TRIM49C: variants seen among roughly 807,000 people sequenced by gnomAD.
TRIM49C encodes tripartite motif containing 49C.
A neutral mutation model predicts 21.4 loss-of-function variants in TRIM49C; 6 were observed. That is an observed-to-expected ratio of 0.28 (90% CI 0.15 to 0.55). The LOEUF (loss-of-function observed/expected upper bound fraction) is 0.55, where lower values mean the gene tolerates loss of function less well. TRIM49C is among the 20% of genes least tolerant of loss of function. TRIM49C has a pLI of 0.94. For synonymous variants in TRIM49C, 57 were observed against 148.1 expected, an observed-to-expected ratio of 0.38 and a Z score of 4.47; for missense variants, 161 against 442.4, an observed-to-expected ratio of 0.36 and a Z score of 5.71.
At chr11:90,042,860 T>C (rs372632333), downstream of TRIM49C, among the ~76,000 whole-genome samples, 18 of 115,166 alleles carry the variant, frequency 1.6e-4, no homozygotes, top group East Asian at 8.1e-4. Flanking sequence ...ATTCTTCAAC[T>C]GTAGAATAGC....
At chr11:90,069,567 A>T in the TRIM49C span, among the ~76,000 whole-genome samples, 17 of 131,234 alleles carry the variant, frequency 1.3e-4, 4 homozygotes, top group East Asian at 2.3e-3. Context: ...TACATTAAAA[A>T]TATCTAAATA....
At chr11:90,040,971 G>C (rs1281933009) in intron 7 of TRIM49C, 80 bp from the exon 8 acceptor site, 13 of 1,454,588 alleles carry the variant, frequency 8.9e-6, no homozygotes, top group Admixed American at 2.8e-5. Context: ...TGCTGGTAAA[G>C]TAACTTCTTG....
At chr11:90,034,690 G>C (rs1461118896) in intron 2 of TRIM49C, among the ~76,000 whole-genome samples, 1 of 130,694 alleles carries the variant, frequency 7.7e-6, no homozygotes, top group African/African-American at 2.9e-5. Flanking sequence ...AGGACTTGCA[G>C]GCTTGTTATG....
chr11:90,034,705 T>C (rs1471416953), intron 2 of TRIM49C, among the ~76,000 whole-genome samples: 1 of 132,100 alleles, frequency 7.6e-6, no homozygotes, highest in East Asian at 2.3e-4. Context: ...GTTATGTAGA[T>C]AAACTTGTGC....
At chr11:90,042,672 T>C (rs921952062), downstream of TRIM49C, among the ~76,000 whole-genome samples, 4 of 117,526 alleles carry the variant, frequency 3.4e-5, 1 homozygote, top group African/African-American at 6.9e-5. Flanking sequence ...ATGAAATTTA[T>C]TCATGGCTGG....
the TRIM49C span, among the ~76,000 whole-genome samples, chr11:90,065,628 G>A: frequency 2.1e-5 from 3 of 140,986 alleles, no homozygotes; most frequent in Admixed American, 8.1e-5. Flanking sequence ...GGAATGAGAC[G>A]CAAGAAAGTT....
downstream of TRIM49C, among the ~76,000 whole-genome samples, chr11:90,043,195 A>T (rs80140587): frequency 0.39 from 50,947 of 129,684 alleles, 9,204 homozygotes; most frequent in African/African-American, 0.52. Flanking sequence ...GAGACCAAGG[A>T]GTGAGAATGG....
the TRIM49C span, among the ~76,000 whole-genome samples, chr11:90,055,862 T>G: frequency 7.0e-6 from 1 of 142,798 alleles, no homozygotes; most frequent in Admixed American, 7.4e-5. Flanking sequence ...TCATTTCAAA[T>G]TTGTGGTCTT....
At chr11:90,073,292 A>G in the TRIM49C span, 2 of 1,035,110 alleles carry the variant, frequency 1.9e-6, no homozygotes, top group Non-Finnish European at 2.9e-6. Flanking sequence ...TGGAAGTGTG[A>G]GTTTTTTGAA....
chr11:90,072,245 C>A, the TRIM49C span, among the ~76,000 whole-genome samples: 1 of 142,834 alleles, frequency 7.0e-6, no homozygotes, highest in South Asian at 2.4e-4. Context: ...CTAAAGCATA[C>A]ACGAGTAACT....
the TRIM49C span, among the ~76,000 whole-genome samples, chr11:90,068,484 T>C: frequency 4.2e-5 from 6 of 144,386 alleles, 1 homozygote; most frequent in African/African-American, 1.5e-4. Flanking sequence ...TATCATGAGC[T>C]TAATTATTGA....
At chr11:90,039,614 T>C (rs144668647) in intron 6 of TRIM49C, among the ~76,000 whole-genome samples, 4 of 127,418 alleles carry the variant, frequency 3.1e-5, no homozygotes, top group Admixed American at 9.2e-5. Context: ...CTCAAGGCCA[T>C]AAAGCTAAGG....
At chr11:90,046,052 C>T (rs1305271367), downstream of TRIM49C, among the ~76,000 whole-genome samples, 2 of 121,302 alleles carry the variant, frequency 1.6e-5, 1 homozygote, top group African/African-American at 6.7e-5. Context: ...TGGTTTTTGT[C>T]TTTGGTTCTG....
At chr11:90,073,162 AT>A in the TRIM49C span, 1 of 1,039,020 alleles carries the variant, frequency 9.6e-7, no homozygotes. Context: ...CTAAGGACAT[AT>A]TTCTTCTTTT....
chr11:90,045,134 T>C, downstream of TRIM49C, among the ~76,000 whole-genome samples: 1 of 137,108 alleles, frequency 7.3e-6, no homozygotes, highest in Non-Finnish European at 1.6e-5. Flanking sequence ...CATTGGTCTA[T>C]GTCTCTGTTT....
chr11:90,054,635 T>C, the TRIM49C span, among the ~76,000 whole-genome samples: 2 of 131,182 alleles, frequency 1.5e-5, 1 homozygote, highest in Non-Finnish European at 3.3e-5. Context: ...TCTGGATTAA[T>C]GATTGACAAT....
chr11:90,046,605 G>T (rs560228246), downstream of TRIM49C, among the ~76,000 whole-genome samples: 3 of 121,928 alleles, frequency 2.5e-5, 1 homozygote, highest in Non-Finnish European at 5.0e-5. Flanking sequence ...TGTGGGATCG[G>T]TGGTGATATC....
chr11:90,060,308 G>T, the TRIM49C span, among the ~76,000 whole-genome samples: 3 of 147,322 alleles, frequency 2.0e-5, no homozygotes, highest in African/African-American at 7.4e-5. Context: ...AATTATGAGA[G>T]ATTTTTCCTT....
At chr11:90,039,736 A>G in intron 6 of TRIM49C, 129 bp from the exon 7 acceptor site, 1 of 747,776 alleles carries the variant, frequency 1.3e-6, no homozygotes, top group Non-Finnish European at 2.0e-6. Flanking sequence ...TTGCAAAAGG[A>G]AGGATTAATT....
Sources: gnomAD v4.1 joint callset for allele counts (sites outside exome capture counted in the v4.1 genomes callset) on GRCh38, gnomAD v4.1.1 for gene constraint, MANE v1.5 for transcripts, NCBI Gene and HGNC (gene_info 2026-07-23, HGNC 2026-07-21) for gene names.